The following PARP9 variants were observed in gnomAD, a reference collection of about 807,000 sequenced individuals.
The protein encoded by PARP9 is protein mono-ADP-ribosyltransferase PARP9.
Under a neutral mutation model 68.8 loss-of-function variants are expected in PARP9, and 48 were observed. The observed-to-expected ratio is 0.70, with a 90% CI of 0.55 to 0.89. The LOEUF (loss-of-function observed/expected upper bound fraction) is 0.89, where lower values mean the gene tolerates loss of function less well. Among genes scored for constraint, PARP9 ranks in the 40% least tolerant of loss-of-function variants. The pLI is 0.00. For missense variants in PARP9, 806 were observed against 969.3 expected (o/e 0.83, Z 2.24); for synonymous variants, 309 against 333.8 (o/e 0.93, Z 0.81).
rs991563120 is a variant in PARP9, at chr3:122,555,325, C to T, written c.846G>A (p.Leu282=). 6.2e-7 allele frequency: 1 copy of T among 1,613,664 alleles called. No homozygotes were observed. The highest frequency in any genetic ancestry group is 1.3e-5 in the African/African-American group (1 of 74,916). ...PSFNAMVVNN[L]TLQIVQGHIE... ...TGTGGCCCTGGACAATCTGGAGGGT[C>T]AGGTTGTTCACGACCATTGCATTGA... Residue 282 remains leucine (L), a synonymous_variant, in exon 4 of 11, where the codon CTG becomes CTA. Coordinates refer to ENST00000682323, the MANE Select transcript of PARP9 (RefSeq NM_001146105.2).
intron 7 of PARP9, among the ~76,000 whole-genome samples, chr3:122,542,757 C>T (rs570437970): frequency 1.2e-3 from 182 of 152,206 alleles, no homozygotes; most frequent in Non-Finnish European, 2.0e-3. Context: ...GGATTACAGG[C>T]GTGAGCCACT....
At chr3:122,564,317 G>T, upstream of PARP9, 5 of 1,287,398 alleles carry the variant, frequency 3.9e-6, no homozygotes, top group South Asian at 7.3e-5. Flanking sequence ...AACAGGGAGG[G>T]ACCTCCAGGG....
At chr3:122,537,738 GTCTATGATGTCT>G (rs1307603865) in intron 8 of PARP9, among the ~76,000 whole-genome samples, 3 of 152,074 alleles carry the variant, frequency 2.0e-5, no homozygotes, top group African/African-American at 7.2e-5. Flanking sequence ...GAGATTAAGA[GTCTATGATGTCT>G]TGTTTTTCCT....
intron 6 of PARP9, among the ~76,000 whole-genome samples, chr3:122,548,373 T>G (rs909113314): frequency 6.6e-6 from 1 of 152,232 alleles, no homozygotes; most frequent in Non-Finnish European, 1.5e-5. Context: ...AGGCAAACCT[T>G]GCAAGGCCCT....
intron 7 of PARP9, 62 bp downstream of exon 7, chr3:122,545,370 C>A (rs1446126056): frequency 2.0e-6 from 3 of 1,529,640 alleles, no homozygotes; most frequent in African/African-American, 2.7e-5. Flanking sequence ...TTCAGATGAT[C>A]AAGAATAGAA....
intron 9 of PARP9, chr3:122,536,715 T>A (rs370408179): frequency 1.6e-5 from 9 of 577,940 alleles, no homozygotes; most frequent in African/African-American, 9.4e-5. Context: ...GGATCTGGAA[T>A]CCTTGCTTCT....
At chr3:122,555,153 C>A in intron 4 of PARP9, 133 bp downstream of exon 4, 1 of 925,738 alleles carries the variant, frequency 1.1e-6, no homozygotes, top group South Asian at 1.8e-5. Flanking sequence ...CAGGCATGTA[C>A]CACTGCATCT....
chr3:122,542,641 G>A (rs923631000), intron 7 of PARP9, among the ~76,000 whole-genome samples: 3 of 151,488 alleles, frequency 2.0e-5, no homozygotes, highest in Non-Finnish European at 4.4e-5. Flanking sequence ...CACCACACCC[G>A]GCTAATTTTT....
At position 122,536,328 on chromosome 3, in the gene PARP9, GTCTA is replaced by G; in HGVS notation, c.1916_1919del (p.Ile639ThrfsTer15). ...GAAAGGCAGCCATAAGGACCTCATT[GTCTA>G]TCTTCTCCACCTAGAACCATAGAAA... On this transcript the variant is annotated frameshift_variant, in exon 10 of 11. Coordinates refer to ENST00000682323, the MANE Select transcript of PARP9 (RefSeq NM_001146105.2). LOFTEE classifies it high-confidence loss of function. 6.2e-7 allele frequency: 1 copy of G among 1,614,058 alleles called. No homozygotes were observed. Among genetic ancestry groups the G allele is most frequent in the Non-Finnish European group, 8.5e-7 (1 of 1,179,982 alleles).
At chr3:122,542,206 T>C (rs894963823) in intron 7 of PARP9, among the ~76,000 whole-genome samples, 1 of 150,196 alleles carries the variant, frequency 6.7e-6, no homozygotes, top group Non-Finnish European at 1.5e-5. Context: ...TCTTCCTTTC[T>C]CCTCTCCCTC....
chr3:122,529,282 G>A (rs916641272), intron 10 of PARP9, among the ~76,000 whole-genome samples: 1 of 145,124 alleles, frequency 6.9e-6, no homozygotes, highest in Non-Finnish European at 1.5e-5. Flanking sequence ...TCATAGAGAA[G>A]TTAATGGTTT....
At chr3:122,552,387 C>T (rs1367575824) in intron 5 of PARP9, 31 bp downstream of exon 5, 2 of 1,492,162 alleles carry the variant, frequency 1.3e-6, no homozygotes, top group African/African-American at 2.8e-5. Flanking sequence ...GACTATGGAG[C>T]TAAATAAAGC....
rs780885006 is a variant in PARP9, at chr3:122,528,597, T to C, written c.2227A>G (p.Asn743Asp). 7 of 1,614,104 alleles carry C rather than the reference T, an allele frequency of 4.3e-6. No homozygotes were observed. The Admixed American group carries it at 1.2e-4, about 27-fold the overall frequency. ...GGACTCAGTGGTGGGGGAACAATAT[T>C]TAACGGATGTCCCTGGCAGAAGAAG... ...TGFFCQGHPL[N>D]IVPPPLSPGA... The change falls in exon 11 of 11, where the codon AAT becomes GAT. Residue 743 changes from asparagine (N) to aspartate (D), a missense_variant. Physicochemically the swap from Asn to Asp is conservative, Grantham distance 23 (BLOSUM62 1). Coordinates refer to ENST00000682323, the MANE Select transcript of PARP9 (RefSeq NM_001146105.2).
chr3:122,529,065 C>G (rs369859629), intron 10 of PARP9, among the ~76,000 whole-genome samples: 158 of 151,660 alleles, frequency 1.0e-3, no homozygotes, highest in African/African-American at 3.8e-3. Flanking sequence ...GATGATACCC[C>G]GTCTCTACTA....
chr3:122,552,653 A>G lies in PARP9; in HGVS notation c.886-14T>C. 6.4e-7 allele frequency: 1 copy of G among 1,565,124 alleles called. No individual in the cohort carries two copies. Among genetic ancestry groups the G allele is most frequent in the East Asian group, 2.2e-5 (1 of 44,448 alleles). On this transcript the variant is annotated splice_polypyrimidine_tract_variant and intron_variant, in intron 4 of 10. Transcript: ENST00000682323. ...AATTACATCTGCCTGAAAAGGGAAGAAAGGGTAGGATTCATTGTTAAATTC... is the reference window on the plus strand; with the variant it reads ...AATTACATCTGCCTGAAAAGGGAAGGAAGGGTAGGATTCATTGTTAAATTC...
intron 8 of PARP9, among the ~76,000 whole-genome samples, chr3:122,539,352 T>A (rs973191886): frequency 6.6e-6 from 1 of 152,142 alleles, no homozygotes; most frequent in African/African-American, 2.4e-5. Flanking sequence ...TGTGTGCTCG[T>A]CAAGGTCCCC....
At chr3:122,545,652 G>A (rs1248895960) in intron 6 of PARP9, 163 bp from the exon 7 acceptor site, 19 of 637,560 alleles carry the variant, frequency 3.0e-5, no homozygotes, top group Non-Finnish European at 5.0e-5. Flanking sequence ...CCAGAGAAGA[G>A]GACCTCAGTC....
intron 10 of PARP9, among the ~76,000 whole-genome samples, chr3:122,529,473 G>C (rs899597346): frequency 6.6e-6 from 1 of 151,824 alleles, no homozygotes; most frequent in African/African-American, 2.4e-5. Flanking sequence ...GACTTCGGCC[G>C]GGCGCGGTGG....
chr3:122,562,207 T>TCTTTTCTTTTCTTTTCTTTTTTTTTC (rs1559890036), intron 1 of PARP9, among the ~76,000 whole-genome samples: 1 of 148,930 alleles, frequency 6.7e-6, no homozygotes, highest in African/African-American at 2.5e-5. Context: ...TCTTTTCTTT[T>TCTTTTCTTTTCTTTTCTTTTTTTTTC]TGAGACGGAG....
Sources: gnomAD v4.1 joint callset for allele counts (sites outside exome capture counted in the v4.1 genomes callset) on GRCh38, gnomAD v4.1.1 for gene constraint, MANE v1.5 for transcripts, NCBI Gene and HGNC (gene_info 2026-07-23, HGNC 2026-07-21) for gene names.